The following RIMBP2 variants were observed in gnomAD, a reference collection of about 807,000 sequenced individuals.
RIMBP2 encodes RIMS-binding protein 2.
RIMBP2 carries 48 observed loss-of-function variants against 118.6 expected under a neutral mutation model. The ratio of observed to expected loss-of-function variants is 0.40; its 90% CI spans 0.32 to 0.51. The LOEUF (loss-of-function observed/expected upper bound fraction) is 0.51, where lower values mean the gene tolerates loss of function less well. RIMBP2 is among the 20% of genes least tolerant of loss of function. The pLI is 0.41. For synonymous variants in RIMBP2, 762 were observed against 742.9 expected (o/e 1.03, Z -0.42); for missense variants, 1,551 against 1,768.3 (o/e 0.88, Z 2.20).
chr12:130,650,843 G>A (rs2063199354), intron 1 of RIMBP2, among the ~76,000 whole-genome samples: 2 of 151,406 alleles, frequency 1.3e-5, no homozygotes, highest in Non-Finnish European at 2.9e-5. Flanking sequence ...TTAGGCCTAT[G>A]CCCTAAAAGA....
intron 14 of RIMBP2, chr12:130,432,009 T>A (rs1368197833): frequency 4.9e-6 from 1 of 202,186 alleles, no homozygotes; most frequent in African/African-American, 2.4e-5. Flanking sequence ...TGGCCACATG[T>A]CAAGGGCTCT....
At chr12:130,695,575 G>A (rs1306593314) in intron 1 of RIMBP2, among the ~76,000 whole-genome samples, 2 of 152,210 alleles carry the variant, frequency 1.3e-5, no homozygotes, top group Non-Finnish European at 2.9e-5. Context: ...TACATGGTGA[G>A]AGTGGGGAGT....
chr12:130,563,097 C>G (rs535778805), intron 2 of RIMBP2, among the ~76,000 whole-genome samples: 44 of 152,324 alleles, frequency 2.9e-4, no homozygotes, highest in African/African-American at 9.6e-4. Flanking sequence ...TGCTAAAACA[C>G]TGTTATCCTG....
intron 1 of RIMBP2, among the ~76,000 whole-genome samples, chr12:130,707,384 A>G (rs1949572654): frequency 6.6e-6 from 1 of 152,194 alleles, no homozygotes; most frequent in African/African-American, 2.4e-5. Flanking sequence ...AGGCACATCA[A>G]GAAACAGAAC....
chr12:130,490,980 C>T (rs1349252886), intron 4 of RIMBP2, among the ~76,000 whole-genome samples: 6 of 152,178 alleles, frequency 3.9e-5, no homozygotes, highest in African/African-American at 1.2e-4. Flanking sequence ...TCAAAACCCA[C>T]GTTAGTGTTT....
Position 130,564,029 on chromosome 12 carries a change from T to C in RIMBP2, c.-216-46112A>G, listed in dbSNP as rs2057026175. ...TGCTGTTCCTATACAAGTCAGGCAG[T>C]CCCAGTCCCAGGGCCCTTGCACCTC... On this transcript the variant is annotated intron_variant, in intron 2 of 22. Coordinates refer to ENST00000690449, the MANE Select transcript of RIMBP2 (RefSeq NM_001393629.1). Among the ~76,000 whole-genome samples, 2 of 149,284 alleles carry C rather than the reference T, an allele frequency of 1.3e-5. 1 individual carries two copies. Among genetic ancestry groups the C allele is most frequent in the South Asian group, 4.4e-4 (2 of 4,562 alleles).
At chr12:130,464,197 T>C (rs1372249913) in intron 6 of RIMBP2, among the ~76,000 whole-genome samples, 1 of 152,230 alleles carries the variant, frequency 6.6e-6, no homozygotes, top group Non-Finnish European at 1.5e-5. Context: ...GTTTCTTCAC[T>C]TCTCTCACAT....
At chr12:130,571,609 G>A (rs758973960) in intron 2 of RIMBP2, among the ~76,000 whole-genome samples, 10 of 151,874 alleles carry the variant, frequency 6.6e-5, no homozygotes, top group East Asian at 1.9e-4. Context: ...TAATAGAGAC[G>A]GGGTTTTACC....
In RIMBP2 at chr12:130,517,856, A is replaced by G; in HGVS notation, c.-155T>C. ...GTCATGCTGCCGGGCCCTTGTGGGA[A>G]GGCCTGCATGATGGGATCTCAGGAG... On this transcript the variant is annotated 5_prime_UTR_variant, in exon 3 of 23. Coordinates refer to ENST00000690449, the MANE Select transcript of RIMBP2 (RefSeq NM_001393629.1). 3.0e-6 allele frequency: 3 copies of G among 985,746 alleles called. No homozygotes were observed. Among genetic ancestry groups the G allele is most frequent in the Non-Finnish European group, 3.6e-6 (3 of 829,862 alleles). 61.1% of individuals were successfully genotyped at this position (985,746 alleles called of 1,614,324 possible).
intron 6 of RIMBP2, among the ~76,000 whole-genome samples, chr12:130,457,207 G>A (rs1367054209): frequency 2.0e-5 from 3 of 152,210 alleles, no homozygotes; most frequent in South Asian, 4.1e-4. Flanking sequence ...CATCCAGGGC[G>A]CCCGCCCCCT....
intron 1 of RIMBP2, among the ~76,000 whole-genome samples, chr12:130,690,975 C>T (rs1387700854): frequency 6.6e-6 from 1 of 152,068 alleles, no homozygotes; most frequent in African/African-American, 2.4e-5. Flanking sequence ...CCCTGTAATT[C>T]ACAAGGGCCC....
rs1411643297 is a variant in RIMBP2 at position 130,436,949 on chromosome 12, G to A, written c.1999C>T (p.Pro667Ser). Residue 667 changes from proline to serine, a missense_variant, in exon 13 of 23, where the codon CCC becomes TCC. Pro to Ser is a moderately conservative substitution (Grantham distance 74). Around this residue, in one of 5 missense-constraint regions of RIMBP2, gnomAD observed 1,038 missense variants for 1,125.1 expected, o/e 0.92. Transcript: ENST00000690449. ...TGTGGCAGGATGCGGCTGGGTGAGGGCGACCGCCTTCCGGGGCCCACGGGC... is the reference window on the plus strand; with the variant it reads ...TGTGGCAGGATGCGGCTGGGTGAGGACGACCGCCTTCCGGGGCCCACGGGC... Reference protein sequence around the residue: ...EPPVGPGRRSPSPSRILPQPQ... With the variant: ...EPPVGPGRRSSSPSRILPQPQ... 2 of 1,602,750 alleles carry A rather than the reference G, an allele frequency of 1.2e-6. No individual in the cohort carries two copies. Among genetic ancestry groups the A allele is most frequent in the Admixed American group, 1.7e-5 (1 of 58,844 alleles).
chr12:130,431,481 A>G lies in RIMBP2; in HGVS notation c.2254-3144T>C. On this transcript the variant is annotated intron_variant, in intron 14 of 22. Transcript: ENST00000690449. The surrounding 1 kb of genome is among the most constrained non-coding windows in gnomAD (Gnocchi z 4.0). ...TTAATGAATGTATTCTTTGAATTGA[A>G]TCAATATTTAACGTTACTTTTAAAG... The G allele has an allele frequency of 2.6e-6, 1 of 384,172 alleles. No homozygotes were observed. Among genetic ancestry groups the G allele is most frequent in the Non-Finnish European group, 5.4e-6 (1 of 184,700 alleles). 23.8% of individuals were successfully genotyped at this position (384,172 alleles called of 1,614,324 possible). A position where few individuals can be genotyped will look rare whatever the true frequency, so the allele number is the denominator to read the frequency against.
intron 14 of RIMBP2, among the ~76,000 whole-genome samples, chr12:130,433,594 A>AGTTCCTGC (rs1348523068): frequency 1.3e-5 from 2 of 152,192 alleles, no homozygotes; most frequent in Non-Finnish European, 2.9e-5. Flanking sequence ...CTGATAAGCC[A>AGTTCCTGC]TTCATTGGAA....
chr12:130,418,982 G>T (rs1341255012), intron 17 of RIMBP2, among the ~76,000 whole-genome samples: 1 of 152,178 alleles, frequency 6.6e-6, no homozygotes, highest in South Asian at 2.1e-4. Context: ...AGACAGGTGT[G>T]GGGTAGAGGT....
Position 130,623,874 on chromosome 12 carries a change from G to A in RIMBP2, c.-217+4448C>T, listed in dbSNP as rs566907066. ...CGGTGTACACCACAGTCTCCCAGAG[G>A]TTCCACAGCAGGATTGAGTCCCCAT... On this transcript the variant is annotated intron_variant, in intron 2 of 22. Transcript: ENST00000690449. The surrounding 1 kb of genome is among the most constrained non-coding windows in gnomAD (Gnocchi z 4.1). 6.6e-6 allele frequency among the ~76,000 whole-genome samples: 1 copy of A among 152,164 alleles called. No homozygotes were observed. Among genetic ancestry groups the A allele is most frequent in the Non-Finnish European group, 1.5e-5 (1 of 68,034 alleles).
At chr12:130,459,079 C>T (rs2398515) in intron 6 of RIMBP2, among the ~76,000 whole-genome samples, 38,624 of 148,186 alleles carry the variant, frequency 0.26, 6,141 homozygotes, top group Non-Finnish European at 0.34. Flanking sequence ...AGTGAATAGA[C>T]TTTTCATACA....
At chr12:130,569,908 T>G (rs764002502) in intron 2 of RIMBP2, among the ~76,000 whole-genome samples, 2 of 152,192 alleles carry the variant, frequency 1.3e-5, no homozygotes, top group East Asian at 3.8e-4. Flanking sequence ...TTATTTGCAT[T>G]TAAAAGGCAT....
At chr12:130,701,404 G>A (rs576317906) in intron 1 of RIMBP2, among the ~76,000 whole-genome samples, 7 of 152,338 alleles carry the variant, frequency 4.6e-5, no homozygotes, top group South Asian at 4.1e-4. Flanking sequence ...TACATCACAC[G>A]TGGAACTGCT....
Sources: allele counts gnomAD v4.1 joint callset (sites outside exome capture counted in the v4.1 genomes callset), GRCh38; gene constraint gnomAD v4.1.1; regional missense constraint gnomAD v4.1.1; non-coding constraint Gnocchi (gnomAD v3.1); transcripts MANE v1.5; gene names NCBI Gene and HGNC (gene_info 2026-07-23, HGNC 2026-07-21).